DTD1: variants seen among roughly 807,000 people sequenced by gnomAD.
The protein encoded by DTD1 is D-aminoacyl-tRNA deacylase 1, also known as D-tyrosyl-tRNA deacylase 1 homolog.
A neutral mutation model predicts 25.6 loss-of-function variants in DTD1; 13 were observed. The observed-to-expected ratio is 0.51, with a 90% CI of 0.33 to 0.81. The LOEUF (loss-of-function observed/expected upper bound fraction) is 0.81, where lower values mean the gene tolerates loss of function less well. DTD1 is among the 30% of genes least tolerant of loss of function. DTD1 has a pLI of 0.02. For synonymous variants in DTD1, 110 were observed against 103.6 expected (o/e 1.06, Z -0.37); for missense variants, 193 against 266.4 (o/e 0.72, Z 1.92).
chr20:18,715,282 A>G (rs2061175510), intron 4 of DTD1, among the ~76,000 whole-genome samples: 1 of 151,694 alleles, frequency 6.6e-6, no homozygotes, highest in Non-Finnish European at 1.5e-5. Context: ...CCCCCAGATC[A>G]CTCCCTTGAC....
At chr20:18,750,282 A>C (rs989126890) in intron 5 of DTD1, among the ~76,000 whole-genome samples, 2 of 152,190 alleles carry the variant, frequency 1.3e-5, no homozygotes, top group African/African-American at 4.8e-5. Flanking sequence ...ATCACCACCA[A>C]ATATTCAGAT....
chr20:18,644,106 T>A (rs1285791108), intron 4 of DTD1, among the ~76,000 whole-genome samples: 1 of 152,212 alleles, frequency 6.6e-6, no homozygotes, highest in Non-Finnish European at 1.5e-5. Flanking sequence ...TTTTTTGCTC[T>A]TACTAATGAT....
chr20:18,610,155 T>C (rs16979397), intron 3 of DTD1, among the ~76,000 whole-genome samples: 3,850 of 152,328 alleles, frequency 0.025, 80 homozygotes, highest in South Asian at 0.045. Flanking sequence ...TGAACATTTA[T>C]AGTTGTTAAG....
chr20:18,627,883 T>G (rs1427910507), intron 3 of DTD1, among the ~76,000 whole-genome samples: 2 of 152,112 alleles, frequency 1.3e-5, no homozygotes, highest in Non-Finnish European at 2.9e-5. Flanking sequence ...CTGCACAAGC[T>G]CTCTCTCTTT....
intron 4 of DTD1, among the ~76,000 whole-genome samples, chr20:18,669,607 G>T (rs745660373): frequency 1.3e-5 from 2 of 152,164 alleles, no homozygotes; most frequent in East Asian, 3.9e-4. Flanking sequence ...TCGACTGAGC[G>T]CTTGCTCTGC....
At chr20:18,617,347 A>G (rs2060713026) in intron 3 of DTD1, among the ~76,000 whole-genome samples, 1 of 148,604 alleles carries the variant, frequency 6.7e-6, no homozygotes, top group Non-Finnish European at 1.5e-5. Flanking sequence ...TATTAGATAT[A>G]TAATTTTTAA....
At chr20:18,593,923 C>T (rs553098673) in intron 2 of DTD1, 102 bp downstream of exon 2, 7 of 851,926 alleles carry the variant, frequency 8.2e-6, no homozygotes, top group Admixed American at 2.0e-5. Context: ...GCCCCTGTCA[C>T]TTTTAACCAT....
intron 1 of DTD1, chr20:18,588,639 G>A (rs1160749682): frequency 1.5e-6 from 1 of 648,850 alleles, no homozygotes; most frequent in South Asian, 6.9e-5. Context: ...ACAGTTGCGT[G>A]CACGTACGTG....
chr20:18,666,261 C>T (rs1013397050), intron 4 of DTD1, among the ~76,000 whole-genome samples: 1 of 152,140 alleles, frequency 6.6e-6, no homozygotes, highest in African/African-American at 2.4e-5. Context: ...CTTCTCATAT[C>T]GTGTCAAGGG....
At chr20:18,612,693 C>G (rs1239073373) in intron 3 of DTD1, among the ~76,000 whole-genome samples, 1 of 151,986 alleles carries the variant, frequency 6.6e-6, no homozygotes, top group Non-Finnish European at 1.5e-5. Flanking sequence ...GAGTCTCACT[C>G]TGTCGCCCAG....
At chr20:18,747,272 G>A (rs1723394694) in intron 5 of DTD1, among the ~76,000 whole-genome samples, 1 of 152,194 alleles carries the variant, frequency 6.6e-6, no homozygotes, top group South Asian at 2.1e-4. Flanking sequence ...GTGACAGTGA[G>A]TAAGTTCTAT....
chr20:18,753,909 G>A (rs2061329939), intron 5 of DTD1, among the ~76,000 whole-genome samples: 1 of 152,160 alleles, frequency 6.6e-6, no homozygotes, highest in South Asian at 2.1e-4. Flanking sequence ...GAGGGAGCTT[G>A]CTGGAATCTA....
intron 4 of DTD1, among the ~76,000 whole-genome samples, chr20:18,696,834 G>A (rs1040581547): frequency 1.4e-4 from 21 of 151,990 alleles, no homozygotes; most frequent in Admixed American, 5.9e-4. Context: ...GATTACAGGC[G>A]TGAGCCACTG....
In DTD1 at chr20:18,593,774, G is replaced by A. The variant is rs1049311464; in HGVS notation, c.87G>A (p.Val29=). 2.5e-6 allele frequency: 4 copies of A among 1,613,950 alleles called. No homozygotes were observed. Among genetic ancestry groups the A allele is most frequent in the Non-Finnish European group, 2.5e-6 (3 of 1,179,952 alleles). The change falls in exon 2 of 6, where the codon GTG becomes GTA. Residue 29 remains valine (V), a synonymous_variant. Transcript: ENST00000377452. ...QISAIGRGIC[V]LLGISLEDTQ... is the part of the protein sequence containing the mutation. ...GTGCCATTGGAAGGGGCATATGTGTGTTGCTGGGTATTTCCCTGGAGGATA... is the reference window on the plus strand; with the variant it reads ...GTGCCATTGGAAGGGGCATATGTGTATTGCTGGGTATTTCCCTGGAGGATA...
chr20:18,739,884 C>T (rs951751873), intron 4 of DTD1, among the ~76,000 whole-genome samples: 25 of 152,174 alleles, frequency 1.6e-4, no homozygotes, highest in African/African-American at 5.1e-4. Context: ...CTTGAGTTTG[C>T]GGCATGGAGC....
intron 4 of DTD1, among the ~76,000 whole-genome samples, chr20:18,738,559 C>G (rs936511467): frequency 6.6e-6 from 1 of 152,206 alleles, no homozygotes; most frequent in East Asian, 1.9e-4. Flanking sequence ...TCCGTTTCCT[C>G]CCCTGACTAT....
At chr20:18,629,076 A>T (rs1175026277) in intron 4 of DTD1, among the ~76,000 whole-genome samples, 1 of 144,430 alleles carries the variant, frequency 6.9e-6, no homozygotes, top group East Asian at 2.0e-4. Flanking sequence ...GGCTCACCGC[A>T]ACCTCCGCCT....
chr20:18,677,942 G>A (rs1421728113), intron 4 of DTD1, among the ~76,000 whole-genome samples: 1 of 152,238 alleles, frequency 6.6e-6, no homozygotes, highest in Non-Finnish European at 1.5e-5. Context: ...TGCTTGGTGA[G>A]AGGAAAGAGA....
rs2061372984 is a variant in DTD1, at chr20:18,764,042, C to T, written c.*702C>T. 6.6e-6 allele frequency: 1 copy of T among 152,226 alleles called. No individual in the cohort carries two copies. The highest frequency in any genetic ancestry group is 1.5e-5 in the Non-Finnish European group (1 of 68,046). The allele number at this position is 152,226 out of a possible 1,614,324, so 9.4% of individuals were successfully genotyped here. ...AAGAGGGCCTTCTCTAACTGGCCCA[C>T]ACAGGCTCCTGAGTCCAGGTGGGAG... is the stretch of plus-strand genomic sequence containing the variant. On this transcript the variant is annotated 3_prime_UTR_variant, in exon 6 of 6. Coordinates refer to ENST00000377452, the MANE Select transcript of DTD1 (RefSeq NM_080820.6).
Sources: gnomAD v4.1 joint callset for allele counts (sites outside exome capture counted in the v4.1 genomes callset) on GRCh38, gnomAD v4.1.1 for gene constraint, MANE v1.5 for transcripts, NCBI Gene and HGNC (gene_info 2026-07-23, HGNC 2026-07-21) for gene names.